ERO1B: variants seen among roughly 807,000 people sequenced by gnomAD.
ERO1B encodes the protein endoplasmic reticulum oxidoreductase 1 beta, also known as ERO1-like protein beta.
ERO1B carries 49 observed loss-of-function variants against 75.3 expected under a neutral mutation model. The observed-to-expected ratio is 0.65, with a 90% CI of 0.52 to 0.83. ERO1B has a LOEUF of 0.83. Ranked by LOEUF, ERO1B falls within the 40% of genes least tolerant of loss-of-function variation. The pLI is 0.00. For synonymous variants in ERO1B, 191 were observed against 192.9 expected (o/e 0.99, Z 0.08); for missense variants, 512 against 560.1 (o/e 0.91, Z 0.87).
At chr1:236,259,307 C>A (rs1436680585) in intron 2 of ERO1B, among the ~76,000 whole-genome samples, 1 of 151,940 alleles carries the variant, frequency 6.6e-6, no homozygotes, top group Non-Finnish European at 1.5e-5. Context: ...AGGAAAACAG[C>A]AAGAGAGGAG....
chr1:236,225,499 A>G (rs1398047150), intron 12 of ERO1B, among the ~76,000 whole-genome samples: 4 of 152,236 alleles, frequency 2.6e-5, no homozygotes, highest in African/African-American at 9.6e-5. Flanking sequence ...TTTCTCTTCC[A>G]GGCTATTTTA....
chr1:236,261,265 T>C (rs1342459045), intron 2 of ERO1B, among the ~76,000 whole-genome samples: 1 of 152,148 alleles, frequency 6.6e-6, no homozygotes, highest in Non-Finnish European at 1.5e-5. Flanking sequence ...ACGCCCACTC[T>C]TGCCACTTCT....
chr1:236,268,936 C>G (rs565545889), intron 2 of ERO1B, among the ~76,000 whole-genome samples: 2 of 150,184 alleles, frequency 1.3e-5, no homozygotes, highest in African/African-American at 4.9e-5. Flanking sequence ...TATTAAATAA[C>G]AAAATACATA....
At chr1:236,260,735 G>A (rs748935549) in intron 2 of ERO1B, among the ~76,000 whole-genome samples, 95 of 149,386 alleles carry the variant, frequency 6.4e-4, no homozygotes, top group Non-Finnish European at 1.3e-3. Flanking sequence ...AACATATAAA[G>A]AACAGCAACC....
chr1:236,241,018 C>T (rs137891967), intron 6 of ERO1B, among the ~76,000 whole-genome samples: 2 of 151,784 alleles, frequency 1.3e-5, no homozygotes, highest in African/African-American at 4.8e-5. Context: ...GTAGGGAAAG[C>T]AGTTTACCTT....
intron 9 of ERO1B, among the ~76,000 whole-genome samples, chr1:236,231,258 C>G (rs1170759435): frequency 6.6e-6 from 1 of 152,000 alleles, no homozygotes; most frequent in East Asian, 1.9e-4. Flanking sequence ...TGTACTAATG[C>G]TGAAGAACAT....
At chr1:236,238,916 A>C (rs2102947534) in intron 6 of ERO1B, among the ~76,000 whole-genome samples, 1 of 152,224 alleles carries the variant, frequency 6.6e-6, no homozygotes, top group African/African-American at 2.4e-5. Flanking sequence ...AAGGGAGCTA[A>C]AAAATCACAA....
chr1:236,253,492 C>T lies in ERO1B; in HGVS notation c.236G>A (p.Arg79Gln), dbSNP rs1190540250. ...ATCTTCTGCCCAGAAAGGACAAGGT[C>T]GCTTCAGATTAACCTTGAAAGAAAG... is the stretch of plus-strand genomic sequence containing the variant. The part of the protein sequence containing the change: ...YFRYYKVNLK[R>Q]PCPFWAEDGH... Residue 79 changes from arginine (R) to glutamine (Q), a missense_variant, in exon 3 of 16, where the codon CGA becomes CAA. Coordinates refer to ENST00000354619, the MANE Select transcript of ERO1B (RefSeq NM_019891.4). 14 of 1,607,016 alleles carry T rather than the reference C, an allele frequency of 8.7e-6. 1 individual carries two copies. The highest frequency in any genetic ancestry group is 5.5e-5 in the South Asian group (5 of 90,202).
chr1:236,239,239 G>A (rs1193177783), intron 6 of ERO1B, among the ~76,000 whole-genome samples: 3 of 152,106 alleles, frequency 2.0e-5, no homozygotes, highest in African/African-American at 7.2e-5. Context: ...TATACAAGGA[G>A]TTTGCAAACT....
intron 2 of ERO1B, among the ~76,000 whole-genome samples, chr1:236,255,352 C>A (rs1402985674): frequency 3.3e-5 from 5 of 152,160 alleles, no homozygotes; most frequent in African/African-American, 9.7e-5. Flanking sequence ...AGCAGAGAGA[C>A]CATTCCTGGC....
At chr1:236,233,775 T>C (rs184079973) in intron 8 of ERO1B, among the ~76,000 whole-genome samples, 7 of 152,320 alleles carry the variant, frequency 4.6e-5, no homozygotes, top group African/African-American at 1.7e-4. Context: ...AATATTTTTC[T>C]CTTTTAAATT....
intron 1 of ERO1B, among the ~76,000 whole-genome samples, chr1:236,279,252 C>T (rs1297769221): frequency 6.6e-6 from 1 of 152,096 alleles, no homozygotes; most frequent in Non-Finnish European, 1.5e-5. Flanking sequence ...CCTGTAATCC[C>T]AGCACTTTGG....
intron 5 of ERO1B, among the ~76,000 whole-genome samples, chr1:236,247,621 T>G (rs906744451): frequency 6.6e-6 from 1 of 152,258 alleles, no homozygotes; most frequent in South Asian, 2.1e-4. Context: ...AAAACCTCCC[T>G]GTGAGTTTTA....
rs774928053 is a variant in ERO1B at position 236,250,572 on chromosome 1, C to T, written c.349-605G>A. Among the ~76,000 whole-genome samples the T allele has an allele frequency of 1.7e-4, 15 of 86,408 alleles. No homozygotes were observed. In the South Asian group the frequency reaches 3.5e-3, roughly 20 times the overall value. The allele number at this position is 86,408 out of a possible 152,430, so 56.7% of individuals were successfully genotyped here. ...AACCCTCTTGGGAAGTAAATTTGAC[C>T]ATATATATATATATATATATATATA... On this transcript the variant is annotated intron_variant, in intron 4 of 15. Coordinates refer to ENST00000354619, the MANE Select transcript of ERO1B (RefSeq NM_019891.4).
At chr1:236,219,113 C>A (rs916764651) in intron 15 of ERO1B, among the ~76,000 whole-genome samples, 2 of 152,278 alleles carry the variant, frequency 1.3e-5, no homozygotes, top group Admixed American at 1.3e-4. Flanking sequence ...AAAAGTAATT[C>A]TAAAAGCTCA....
chr1:236,275,071 T>C (rs187340658), intron 1 of ERO1B, among the ~76,000 whole-genome samples: 38 of 152,180 alleles, frequency 2.5e-4, no homozygotes, highest in African/African-American at 8.7e-4. Flanking sequence ...GACTATACAA[T>C]AGGCAAGAAG....
chr1:236,281,631 G>T, intron 1 of ERO1B, 51 bp downstream of exon 1: 1 of 1,246,638 alleles, frequency 8.0e-7, no homozygotes, highest in Non-Finnish European at 1.0e-6. Context: ...CGTGTGTAGC[G>T]GCCGCGGGTG....
chr1:236,230,960 C>T (rs1192412123), intron 9 of ERO1B, among the ~76,000 whole-genome samples: 1 of 151,788 alleles, frequency 6.6e-6, no homozygotes, highest in Non-Finnish European at 1.5e-5. Context: ...AAATCTTATT[C>T]ATTGAAGGTG....
At chr1:236,280,814 A>G (rs1439192343) in intron 1 of ERO1B, among the ~76,000 whole-genome samples, 1 of 152,164 alleles carries the variant, frequency 6.6e-6, no homozygotes, top group African/African-American at 2.4e-5. Context: ...TTTGGCCCTC[A>G]GCAGTGCTGC....
Sources: gnomAD v4.1 joint callset for allele counts (sites outside exome capture counted in the v4.1 genomes callset) on GRCh38, gnomAD v4.1.1 for gene constraint, MANE v1.5 for transcripts, NCBI Gene and HGNC (gene_info 2026-07-23, HGNC 2026-07-21) for gene names.